TYW1B: variants seen among roughly 807,000 people sequenced by gnomAD.
The protein encoded by TYW1B is tRNA-yW synthesizing protein 1 homolog B, also known as S-adenosyl-L-methionine-dependent tRNA 4-demethylwyosine synthase TYW1B.
Under a neutral mutation model 86.9 loss-of-function variants are expected in TYW1B, and 73 were observed. The observed-to-expected ratio is 0.84, with a 90% CI of 0.70 to 1.02. The LOEUF is 1.02. Ranked by LOEUF, TYW1B falls within the 50% of genes least tolerant of loss-of-function variation. The pLI is 0.00. For missense variants in TYW1B, 637 were observed against 827.4 expected, an observed-to-expected ratio of 0.77 and a Z score of 2.82; for synonymous variants, 248 against 292.8, an observed-to-expected ratio of 0.85 and a Z score of 1.56.
At chr7:72,776,245 TTAAG>T (rs1322782480) in intron 7 of TYW1B, among the ~76,000 whole-genome samples, 5 of 152,164 alleles carry the variant, frequency 3.3e-5, no homozygotes, top group Admixed American at 2.0e-4. Context: ...CTTCTACACA[TTAAG>T]TGAGATAACA....
At chr7:72,815,679 C>T (rs1788710015) in intron 2 of TYW1B, among the ~76,000 whole-genome samples, 198 bp from the exon 3 acceptor site, 1 of 152,166 alleles carries the variant, frequency 6.6e-6, no homozygotes, top group Middle Eastern at 3.4e-3. Context: ...TGTTCTCACC[C>T]GATCAGGGTT....
chr7:72,812,050 A>G (rs9768979), intron 3 of TYW1B, among the ~76,000 whole-genome samples: 100,333 of 151,728 alleles, frequency 0.66, 34,533 homozygotes, highest in Middle Eastern at 0.76. Flanking sequence ...TCTAAACAGA[A>G]CTGTTGCAAA....
intron 3 of TYW1B, among the ~76,000 whole-genome samples, chr7:72,813,847 T>C (rs2129572779): frequency 6.6e-6 from 1 of 151,986 alleles, no homozygotes; most frequent in South Asian, 2.1e-4. Flanking sequence ...AAACCCCATG[T>C]CTGTTAAAAA....
chr7:72,738,605 T>TA (rs1787243040), intron 8 of TYW1B, among the ~76,000 whole-genome samples: 2 of 152,106 alleles, frequency 1.3e-5, no homozygotes, highest in African/African-American at 4.8e-5. Context: ...GTTCTAACAA[T>TA]AAAAAATATC....
intron 8 of TYW1B, among the ~76,000 whole-genome samples, chr7:72,743,944 T>G (rs551614792): frequency 7.4e-4 from 113 of 152,214 alleles, no homozygotes; most frequent in African/African-American, 2.6e-3. Context: ...TTAGCCATTT[T>G]CTTTCACTTA....
chr7:72,652,104 G>A (rs528081118), intron 11 of TYW1B, among the ~76,000 whole-genome samples: 3 of 152,196 alleles, frequency 2.0e-5, no homozygotes, highest in East Asian at 3.9e-4. Context: ...GGGGCCGGGC[G>A]TGGTGGCTCA....
intron 13 of TYW1B, 92 bp from the exon 14 acceptor site, chr7:72,575,811 T>C (rs1811009622): frequency 1.3e-6 from 2 of 1,543,452 alleles, no homozygotes; most frequent in Admixed American, 2.1e-5. Context: ...AGTCTGATCT[T>C]TTCTCCCTAT....
At chr7:72,723,778 T>C (rs2844093) in intron 9 of TYW1B, among the ~76,000 whole-genome samples, 36 of 152,182 alleles carry the variant, frequency 2.4e-4, no homozygotes, top group African/African-American at 6.0e-4. Flanking sequence ...TATCCCTTTA[T>C]GGTCTTTTTC....
intron 4 of TYW1B, 116 bp downstream of exon 4, chr7:72,810,355 T>C: frequency 2.0e-6 from 2 of 999,176 alleles, no homozygotes; most frequent in South Asian, 1.9e-5. Flanking sequence ...TTCACATACA[T>C]GTGTGTTTAT....
chr7:72,660,863 A>T (rs192080989), intron 11 of TYW1B, among the ~76,000 whole-genome samples: 230 of 148,642 alleles, frequency 1.5e-3, no homozygotes, highest in African/African-American at 5.8e-3. Context: ...TGAGCCAGGC[A>T]CAGTGGCTCA....
intron 11 of TYW1B, among the ~76,000 whole-genome samples, chr7:72,650,767 G>A (rs1209659803): frequency 5.9e-5 from 9 of 152,184 alleles, no homozygotes; most frequent in South Asian, 2.1e-4. Flanking sequence ...CAAAAGATAC[G>A]TGGTAATCTA....
chr7:72,644,920 C>G (rs1208290666), intron 11 of TYW1B, among the ~76,000 whole-genome samples: 1 of 151,390 alleles, frequency 6.6e-6, no homozygotes, highest in African/African-American at 2.4e-5. Flanking sequence ...CTCTGCCTCC[C>G]GGGTTCAAGC....
chr7:72,736,812 T>G (rs1170071163), intron 8 of TYW1B, among the ~76,000 whole-genome samples: 1 of 152,210 alleles, frequency 6.6e-6, no homozygotes, highest in Non-Finnish European at 1.5e-5. Context: ...GTACTTAATT[T>G]CTTTTTATTG....
At chr7:72,583,028 A>G (rs1811194140) in intron 13 of TYW1B, among the ~76,000 whole-genome samples, 1 of 152,180 alleles carries the variant, frequency 6.6e-6, no homozygotes, top group Non-Finnish European at 1.5e-5. Context: ...AGGAGAAGGT[A>G]GAAGCAAGCT....
chr7:72,593,814 T>A, intron 13 of TYW1B, among the ~76,000 whole-genome samples: 2 of 89,958 alleles, frequency 2.2e-5, no homozygotes, highest in African/African-American at 5.0e-5. Flanking sequence ...AGAGCCAGAC[T>A]CCATCTAAAA....
At chr7:72,742,295 A>T (rs1297374415) in intron 8 of TYW1B, among the ~76,000 whole-genome samples, 1 of 152,022 alleles carries the variant, frequency 6.6e-6, no homozygotes, top group African/African-American at 2.4e-5. Flanking sequence ...ATGCCCAGCT[A>T]ATTTTTGCAT....
intron 11 of TYW1B, among the ~76,000 whole-genome samples, chr7:72,665,740 C>T (rs782560021): frequency 1.3e-5 from 2 of 152,182 alleles, no homozygotes; most frequent in African/African-American, 4.8e-5. Flanking sequence ...TCTCTCCTAT[C>T]AGAAAACAGG....
chr7:72,713,413 A>G (rs1467277228), intron 10 of TYW1B, among the ~76,000 whole-genome samples: 2 of 151,584 alleles, frequency 1.3e-5, no homozygotes, highest in African/African-American at 2.4e-5. Context: ...CCCTAGCGAC[A>G]TATCTGTGCC....
chr7:72,633,438 T>A (rs1399296939), intron 11 of TYW1B, among the ~76,000 whole-genome samples: 2 of 152,194 alleles, frequency 1.3e-5, no homozygotes, highest in African/African-American at 4.8e-5. Flanking sequence ...CAGAATAGGC[T>A]CTCTCTCACT....
Sources: allele counts gnomAD v4.1 joint callset (sites outside exome capture counted in the v4.1 genomes callset), GRCh38; gene constraint gnomAD v4.1.1; transcripts MANE v1.5; gene names NCBI Gene and HGNC (gene_info 2026-07-23, HGNC 2026-07-21).